DOCK2: variants seen among roughly 807,000 people sequenced by gnomAD.
The protein encoded by DOCK2 is dedicator of cytokinesis protein 2.
Under a neutral mutation model 248.9 loss-of-function variants are expected in DOCK2, and 87 were observed. The ratio of observed to expected loss-of-function variants is 0.35; its 90% CI spans 0.29 to 0.42. DOCK2 has a LOEUF of 0.42. Ranked by LOEUF, DOCK2 falls within the 10% of genes least tolerant of loss-of-function variation. The pLI is 1.00. For missense variants in DOCK2, 1,747 were observed against 2,300.2 expected, an observed-to-expected ratio of 0.76 and a Z score of 4.92; for synonymous variants, 805 against 821.6, an observed-to-expected ratio of 0.98 and a Z score of 0.35.
intron 33 of DOCK2, among the ~76,000 whole-genome samples, chr5:170,023,108 T>G (rs1475062968): frequency 6.6e-6 from 1 of 152,030 alleles, no homozygotes; most frequent in Non-Finnish European, 1.5e-5. Context: ...ATAGAGACCT[T>G]GGAGACTGGT....
intron 27 of DOCK2, among the ~76,000 whole-genome samples, chr5:169,877,209 A>G (rs1772381918): frequency 6.6e-6 from 1 of 152,230 alleles, no homozygotes; most frequent in African/African-American, 2.4e-5. Context: ...CTAGTTCCCC[A>G]TGGCTGGAGA....
chr5:169,957,765 A>G (rs747438185), intron 27 of DOCK2, among the ~76,000 whole-genome samples: 2 of 152,030 alleles, frequency 1.3e-5, no homozygotes, highest in African/African-American at 2.4e-5. Context: ...TCTGTTCATG[A>G]CCCTGTTAGC....
At chr5:169,963,743 TCTTCCTTCC>T (rs1398369123) in intron 27 of DOCK2, among the ~76,000 whole-genome samples, 9 of 152,108 alleles carry the variant, frequency 5.9e-5, no homozygotes, top group Admixed American at 3.3e-4. Flanking sequence ...CATTTTTCCC[TCTTCCTTCC>T]CCCTAGCATC....
intron 27 of DOCK2, among the ~76,000 whole-genome samples, chr5:169,965,347 G>A (rs1036685160): frequency 2.6e-5 from 4 of 152,176 alleles, no homozygotes; most frequent in African/African-American, 9.7e-5. Context: ...TGGTCCACAG[G>A]CCACACTCTG....
chr5:169,807,236 G>A (rs895751229), intron 26 of DOCK2, among the ~76,000 whole-genome samples: 1 of 152,160 alleles, frequency 6.6e-6, no homozygotes, highest in Non-Finnish European at 1.5e-5. Flanking sequence ...AGCATGAAGA[G>A]CCACAGGTGT....
chr5:169,871,551 A>C (rs1477854414), intron 27 of DOCK2, among the ~76,000 whole-genome samples: 1 of 152,268 alleles, frequency 6.6e-6, no homozygotes, highest in African/African-American at 2.4e-5. Context: ...GAGAGGTTAA[A>C]TATTCTGCCA....
chr5:169,916,423 C>A (rs896354248), intron 27 of DOCK2, among the ~76,000 whole-genome samples: 1 of 152,202 alleles, frequency 6.6e-6, no homozygotes, highest in Non-Finnish European at 1.5e-5. Context: ...GCTGAAGAAA[C>A]CTTGCCATGG....
intron 27 of DOCK2, among the ~76,000 whole-genome samples, chr5:169,872,341 A>G (rs1772032447): frequency 6.6e-6 from 1 of 152,208 alleles, no homozygotes; most frequent in Non-Finnish European, 1.5e-5. Context: ...GAAGAATTAC[A>G]GTCTCGGATC....
chr5:169,640,855 A>G lies in DOCK2; in HGVS notation c.43+3486A>G, dbSNP rs1757106505. On this transcript the variant is annotated intron_variant, in intron 1 of 51. Transcript: ENST00000520908. The stretch of plus-strand genomic sequence containing the variant: ...TTGCATCCAGCTCAAAATAATCAAT[A>G]TGCCCTATGGAAGTGGCATATTTTG... 2.0e-5 allele frequency among the ~76,000 whole-genome samples: 3 copies of G among 152,252 alleles called. No individual in the cohort carries two copies. The South Asian group carries it at 6.2e-4, about 32-fold the overall frequency.
intron 27 of DOCK2, among the ~76,000 whole-genome samples, chr5:169,933,617 C>T (rs756976212): frequency 1.3e-5 from 2 of 152,184 alleles, no homozygotes; most frequent in African/African-American, 2.4e-5. Flanking sequence ...TTTCTTCCTT[C>T]GTTCGGCCTC....
At chr5:169,786,498 T>G (rs2113030002) in intron 25 of DOCK2, among the ~76,000 whole-genome samples, 1 of 152,220 alleles carries the variant, frequency 6.6e-6, no homozygotes. Flanking sequence ...ATGTGGAAGG[T>G]GGGAGAAAGA....
chr5:169,887,272 GT>G (rs1299866482), intron 27 of DOCK2, among the ~76,000 whole-genome samples: 1 of 152,094 alleles, frequency 6.6e-6, no homozygotes, highest in Non-Finnish European at 1.5e-5. Flanking sequence ...TCCTTTAGAT[GT>G]TTTCTTTTGA....
intron 27 of DOCK2, among the ~76,000 whole-genome samples, chr5:169,928,729 T>A (rs1223201407): frequency 6.6e-6 from 1 of 152,182 alleles, no homozygotes; most frequent in Non-Finnish European, 1.5e-5. Flanking sequence ...TATGACACCT[T>A]CATAGAGAAC....
chr5:170,070,447 C>T (rs141027669), intron 46 of DOCK2, among the ~76,000 whole-genome samples: 83 of 152,326 alleles, frequency 5.4e-4, no homozygotes, highest in African/African-American at 1.9e-3. Context: ...TGCACAGACG[C>T]GCTTTTCCCG....
intron 27 of DOCK2, chr5:169,980,860 CCAGTGTAGAGGCTA>C (rs1469389919): frequency 6.6e-6 from 1 of 152,294 alleles, no homozygotes; most frequent in East Asian, 1.9e-4. Context: ...TGCCTGCCAC[CCAGTGTAGAGGCTA>C]CAAGTTCCCA....
chr5:169,914,484 T>C (rs1774770531), intron 27 of DOCK2, among the ~76,000 whole-genome samples: 1 of 152,202 alleles, frequency 6.6e-6, no homozygotes, highest in South Asian at 2.1e-4. Context: ...GAGGGATTGA[T>C]TATTGGAGAA....
At chr5:169,732,912 T>A (rs1263667031) in intron 22 of DOCK2, among the ~76,000 whole-genome samples, 3 of 152,192 alleles carry the variant, frequency 2.0e-5, no homozygotes, top group African/African-American at 7.2e-5. Context: ...ATTCTTTTTC[T>A]CCCTGTCTTA....
intron 27 of DOCK2, among the ~76,000 whole-genome samples, chr5:169,936,382 C>T (rs1356432440): frequency 1.3e-4 from 20 of 152,066 alleles, no homozygotes; most frequent in Admixed American, 1.2e-3. Context: ...CTTATCTGGC[C>T]ATTTTAGGAG....
intron 27 of DOCK2, among the ~76,000 whole-genome samples, chr5:169,885,642 A>G (rs1392608852): frequency 1.3e-5 from 2 of 152,216 alleles, no homozygotes. Context: ...AGGACTTTAC[A>G]TGCATTAATT....
Sources: allele counts gnomAD v4.1 joint callset (sites outside exome capture counted in the v4.1 genomes callset), GRCh38; gene constraint gnomAD v4.1.1; transcripts MANE v1.5; gene names NCBI Gene and HGNC (gene_info 2026-07-23, HGNC 2026-07-21).